HHLA2: variants seen among roughly 807,000 people sequenced by gnomAD.
The protein encoded by HHLA2 is HHLA2 member of B7 family, also known as HERV-H LTR-associating protein 2.
A neutral mutation model predicts 45.9 loss-of-function variants in HHLA2; 48 were observed. That is an observed-to-expected ratio of 1.05 (90% confidence interval 0.83 to 1.33). HHLA2 has a LOEUF of 1.33. HHLA2 is among the 40% of genes most tolerant of loss of function. The pLI is 0.00. For synonymous variants in HHLA2, 161 were observed against 173.9 expected, an observed-to-expected ratio of 0.93 and a Z score of 0.59; for missense variants, 462 against 494.3, an observed-to-expected ratio of 0.93 and a Z score of 0.62.
chr3:108,299,098 C>G (rs2107272460), intron 1 of HHLA2, among the ~76,000 whole-genome samples: 1 of 152,194 alleles, frequency 6.6e-6, no homozygotes, highest in East Asian at 1.9e-4. Context: ...ACTCTATATT[C>G]CTTAACTGCA....
At chr3:108,312,042 G>A (rs929314662) in intron 2 of HHLA2, among the ~76,000 whole-genome samples, 3 of 152,174 alleles carry the variant, frequency 2.0e-5, no homozygotes, top group Non-Finnish European at 4.4e-5. Flanking sequence ...GAAAACGGGA[G>A]GGCTGGAGGA....
At chr3:108,301,981 G>T (rs1420768947) in intron 1 of HHLA2, among the ~76,000 whole-genome samples, 1 of 152,128 alleles carries the variant, frequency 6.6e-6, no homozygotes, top group Admixed American at 6.6e-5. Context: ...GAGGTAGTGG[G>T]TTGATATTCT....
chr3:108,362,789 T>C, intron 8 of HHLA2, among the ~76,000 whole-genome samples: 1 of 152,336 alleles, frequency 6.6e-6, no homozygotes, highest in East Asian at 1.9e-4. Flanking sequence ...AATTTTAATC[T>C]AGTATTAAAA....
intron 8 of HHLA2, among the ~76,000 whole-genome samples, chr3:108,370,049 G>A (rs952746049): frequency 2.6e-5 from 4 of 152,224 alleles, no homozygotes; most frequent in Admixed American, 2.6e-4. Context: ...TGGCCTAACT[G>A]GGGGGAACCC....
intron 3 of HHLA2, among the ~76,000 whole-genome samples, chr3:108,341,445 T>G (rs1167297638): frequency 6.6e-6 from 1 of 152,214 alleles, no homozygotes. Context: ...GGCTCATAAC[T>G]AACGTTTGTT....
chr3:108,348,120 G>T (rs1258960841), intron 3 of HHLA2, among the ~76,000 whole-genome samples: 1 of 151,932 alleles, frequency 6.6e-6, no homozygotes, highest in Non-Finnish European at 1.5e-5. Flanking sequence ...CTCGCCTAAG[G>T]AGAGAATAGA....
At chr3:108,314,965 C>T (rs983604579) in intron 2 of HHLA2, among the ~76,000 whole-genome samples, 3 of 152,136 alleles carry the variant, frequency 2.0e-5, no homozygotes, top group Non-Finnish European at 4.4e-5. Flanking sequence ...CCCTACTTAT[C>T]TGAATAGAAA....
chr3:108,352,736 A>C (rs185289937), intron 4 of HHLA2, among the ~76,000 whole-genome samples: 83 of 152,356 alleles, frequency 5.4e-4, no homozygotes, highest in Non-Finnish European at 6.8e-4. Flanking sequence ...AAAACAAAAC[A>C]AAATAAGTAA....
At chr3:108,367,176 C>A (rs2082078938) in intron 8 of HHLA2, among the ~76,000 whole-genome samples, 1 of 152,096 alleles carries the variant, frequency 6.6e-6, no homozygotes, top group Non-Finnish European at 1.5e-5. Context: ...ACACAAAGGA[C>A]CCCCATACAA....
exon 4 of HHLA2, chr3:108,351,823 C>G: frequency 6.2e-7 from 1 of 1,612,812 alleles, no homozygotes; most frequent in Non-Finnish European, 8.5e-7. Flanking sequence ...CATGAAGGCA[C>G]AGACAGCACT....
At chr3:108,376,387 G>A (rs2082275338) in intron 9 of HHLA2, 106 bp from the exon 9 acceptor site, 3 of 794,578 alleles carry the variant, frequency 3.8e-6, no homozygotes, top group South Asian at 1.9e-5. Context: ...TGCAGGGAGA[G>A]TAACTCAGAT....
At chr3:108,332,883 T>C (rs1167518185) in intron 3 of HHLA2, among the ~76,000 whole-genome samples, 5 of 152,126 alleles carry the variant, frequency 3.3e-5, no homozygotes, top group Admixed American at 3.3e-4. Context: ...CAAAACTCCA[T>C]GGTTTGCTTG....
chr3:108,369,076 G>C (rs1202912979), intron 8 of HHLA2, among the ~76,000 whole-genome samples: 1 of 152,140 alleles, frequency 6.6e-6, no homozygotes, highest in Non-Finnish European at 1.5e-5. Flanking sequence ...AACTCACTCA[G>C]AACCACACAA....
chr3:108,371,630 G>A (rs1225410772), intron 8 of HHLA2, among the ~76,000 whole-genome samples: 1 of 152,152 alleles, frequency 6.6e-6, no homozygotes, highest in Non-Finnish European at 1.5e-5. Flanking sequence ...GATGGAGGAA[G>A]ATCTACCAAG....
At chr3:108,365,605 A>G (rs1167463465) in intron 8 of HHLA2, among the ~76,000 whole-genome samples, 5 of 151,396 alleles carry the variant, frequency 3.3e-5, no homozygotes, top group African/African-American at 1.2e-4. Flanking sequence ...CATTTTCACG[A>G]TATTCATAAG....
At chr3:108,316,326 A>T (rs1412596720) in intron 2 of HHLA2, among the ~76,000 whole-genome samples, 2 of 152,356 alleles carry the variant, frequency 1.3e-5, no homozygotes, top group East Asian at 3.9e-4. Flanking sequence ...AAAACTACAT[A>T]GACATGAATG....
intron 2 of HHLA2, among the ~76,000 whole-genome samples, chr3:108,322,354 C>G (rs2081217666): frequency 6.6e-6 from 1 of 152,298 alleles, no homozygotes; most frequent in East Asian, 1.9e-4. Context: ...CTTTGTTTCT[C>G]CATGGATTTC....
intron 3 of HHLA2, among the ~76,000 whole-genome samples, chr3:108,332,083 A>G (rs1317877716): frequency 6.6e-6 from 1 of 152,234 alleles, no homozygotes; most frequent in Non-Finnish European, 1.5e-5. Context: ...TAACTAGTCT[A>G]GGAAACAAAG....
intron 3 of HHLA2, among the ~76,000 whole-genome samples, chr3:108,329,183 A>C (rs1458985073): frequency 6.6e-6 from 1 of 152,198 alleles, no homozygotes; most frequent in African/African-American, 2.4e-5. Context: ...TCCCTGTAAG[A>C]AAGTGCCACA....
Sources: gnomAD v4.1 joint callset for allele counts (sites outside exome capture counted in the v4.1 genomes callset) on GRCh38, gnomAD v4.1.1 for gene constraint, MANE v1.5 for transcripts, NCBI Gene and HGNC (gene_info 2026-07-23, HGNC 2026-07-21) for gene names.